Variants in PRKAR2A observed in about 807,000 individuals in gnomAD.
The protein encoded by PRKAR2A is protein kinase cAMP-dependent type II regulatory subunit alpha.
In PRKAR2A, 29 loss-of-function variants were observed where a neutral mutation model predicts 51.9. The ratio of observed to expected loss-of-function variants is 0.56; its 90% CI spans 0.42 to 0.76. The LOEUF (loss-of-function observed/expected upper bound fraction) is 0.76. Among genes scored for constraint, PRKAR2A ranks in the 30% least tolerant of loss-of-function variants. The pLI is 0.00. For missense variants in PRKAR2A, 445 were observed against 512.1 expected, an observed-to-expected ratio of 0.87 and a Z score of 1.26; for synonymous variants, 178 against 186.2, an observed-to-expected ratio of 0.96 and a Z score of 0.36.
chr3:48,829,039 T>A (rs1281512325), intron 1 of PRKAR2A, among the ~76,000 whole-genome samples: 1 of 151,730 alleles, frequency 6.6e-6, no homozygotes, highest in South Asian at 2.1e-4. Flanking sequence ...TTTCACCATG[T>A]TGGCCAAGCT....
At chr3:48,801,984 A>G (rs910216260) in intron 2 of PRKAR2A, among the ~76,000 whole-genome samples, 12 of 152,088 alleles carry the variant, frequency 7.9e-5, no homozygotes, top group Non-Finnish European at 1.5e-4. Context: ...ATCTCGGTTC[A>G]CTGCAAACTC....
At chr3:48,834,475 C>T (rs1368855370) in intron 1 of PRKAR2A, among the ~76,000 whole-genome samples, 1 of 152,172 alleles carries the variant, frequency 6.6e-6, no homozygotes, top group Non-Finnish European at 1.5e-5. Context: ...TGGTTCATGA[C>T]TGTAATCCCA....
At chr3:48,753,900 C>CTTTT (rs11389036) in intron 9 of PRKAR2A, among the ~76,000 whole-genome samples, 4 of 136,774 alleles carry the variant, frequency 2.9e-5, no homozygotes, top group Admixed American at 7.6e-5. Context: ...CTATTGTTTT[C>CTTTT]TTTTTTTTTT....
chr3:48,841,531 A>G (rs569033483), intron 1 of PRKAR2A, among the ~76,000 whole-genome samples: 27 of 139,174 alleles, frequency 1.9e-4, no homozygotes, highest in African/African-American at 7.3e-4. Context: ...GTGACAGAAC[A>G]AGACTCTGTC....
intron 1 of PRKAR2A, among the ~76,000 whole-genome samples, chr3:48,810,620 T>A (rs1400316135): frequency 6.6e-6 from 1 of 152,040 alleles, no homozygotes; most frequent in Non-Finnish European, 1.5e-5. Flanking sequence ...TAAAAAAATG[T>A]TTTTTTAATT....
intron 2 of PRKAR2A, among the ~76,000 whole-genome samples, chr3:48,801,053 C>T (rs1309404794): frequency 6.6e-6 from 1 of 152,190 alleles, no homozygotes; most frequent in Admixed American, 6.6e-5. Flanking sequence ...GCAATCTTGG[C>T]TTACTGCAAA....
chr3:48,805,192 T>C (rs2082653742), intron 2 of PRKAR2A, among the ~76,000 whole-genome samples: 1 of 152,068 alleles, frequency 6.6e-6, no homozygotes, highest in African/African-American at 2.4e-5. Context: ...GGATTACAGG[T>C]GTGAGCCACG....
chr3:48,755,770 C>T (rs1278562299), intron 9 of PRKAR2A, among the ~76,000 whole-genome samples: 4 of 150,024 alleles, frequency 2.7e-5, no homozygotes, highest in African/African-American at 9.8e-5. Context: ...TTGCGCCCAG[C>T]CCCCATTTCC....
chr3:48,748,522 A>G lies in PRKAR2A; in HGVS notation c.*3063T>C, dbSNP rs2081596680. 6.6e-6 allele frequency: 1 copy of G among 152,254 alleles called. No individual in the cohort carries two copies. Among genetic ancestry groups the G allele is most frequent in the South Asian group, 2.1e-4 (1 of 4,830 alleles). The allele number at this position is 152,254 out of a possible 1,614,324, so 9.4% of individuals were successfully genotyped here. On this transcript the variant is annotated 3_prime_UTR_variant, in exon 11 of 11. Transcript: ENST00000265563. ...GTGTCAAGGAGGACTCTGTGAAGGC[A>G]AAGACTAGACTGGGATGTGTGCGAG...
chr3:48,771,908 G>A (rs1478531558), intron 6 of PRKAR2A, among the ~76,000 whole-genome samples: 2 of 152,066 alleles, frequency 1.3e-5, no homozygotes, highest in Non-Finnish European at 2.9e-5. Context: ...GACACTAGCT[G>A]ATTTTCTGTT....
intron 1 of PRKAR2A, among the ~76,000 whole-genome samples, chr3:48,841,591 G>A (rs2083383249): frequency 6.7e-6 from 1 of 148,942 alleles, no homozygotes. Flanking sequence ...ATATACCTAG[G>A]AGTGAAATTG....
At chr3:48,825,633 TTC>T (rs1347421318) in intron 1 of PRKAR2A, among the ~76,000 whole-genome samples, 1 of 151,852 alleles carries the variant, frequency 6.6e-6, no homozygotes. Context: ...AAGAGAGAAA[TTC>T]TGTCTCAAAA....
intron 2 of PRKAR2A, among the ~76,000 whole-genome samples, chr3:48,801,081 G>A (rs564392113): frequency 5.9e-5 from 9 of 152,186 alleles, no homozygotes; most frequent in Non-Finnish European, 1.0e-4. Context: ...CTGGGTTCAA[G>A]TGATTCTCAT....
chr3:48,748,908 A>G lies in PRKAR2A; in HGVS notation c.*2677T>C, dbSNP rs1381861704. ...TGGAAAGCTGCAATGTAGGCTACAGAGGGCAGTCTGAAAAGAGTCCTTCTG... is the reference window on the plus strand; with the variant it reads ...TGGAAAGCTGCAATGTAGGCTACAGGGGGCAGTCTGAAAAGAGTCCTTCTG... On this transcript the variant is annotated 3_prime_UTR_variant, in exon 11 of 11. Coordinates refer to ENST00000265563, the MANE Select transcript of PRKAR2A (RefSeq NM_004157.4). 6.6e-6 allele frequency: 1 copy of G among 152,232 alleles called. No individual in the cohort carries two copies. The highest frequency in any genetic ancestry group is 1.5e-5 in the Non-Finnish European group (1 of 68,048). The allele number at this position is 152,232 out of a possible 1,614,324, so 9.4% of individuals were successfully genotyped here. A position where few individuals can be genotyped will look rare whatever the true frequency, so the allele number is the denominator to read the frequency against.
At chr3:48,802,079 T>C (rs906168915) in intron 2 of PRKAR2A, among the ~76,000 whole-genome samples, 1 of 152,128 alleles carries the variant, frequency 6.6e-6, no homozygotes, top group African/African-American at 2.4e-5. Context: ...CCATCTATTT[T>C]TGTATTTTTA....
intron 1 of PRKAR2A, among the ~76,000 whole-genome samples, chr3:48,833,126 C>T (rs1177462670): frequency 6.6e-6 from 1 of 152,172 alleles, no homozygotes; most frequent in Non-Finnish European, 1.5e-5. Flanking sequence ...GCCTCAAACT[C>T]CTGGGCTCAA....
intron 1 of PRKAR2A, among the ~76,000 whole-genome samples, chr3:48,829,863 ATATATATATTTTTTTT>A (rs2083154962): frequency 4.9e-5 from 4 of 82,468 alleles, no homozygotes; most frequent in East Asian, 5.3e-4. Flanking sequence ...ATATATATAT[ATATATATATTTTTTTT>A]TTTTTTTTAA....
At chr3:48,804,798 C>T (rs1415330834) in intron 2 of PRKAR2A, among the ~76,000 whole-genome samples, 1 of 151,906 alleles carries the variant, frequency 6.6e-6, no homozygotes, top group African/African-American at 2.4e-5. Flanking sequence ...GAATGGAAGG[C>T]CAGACATTGG....
chr3:48,775,936 C>T (rs903369777), intron 5 of PRKAR2A, among the ~76,000 whole-genome samples: 1 of 151,780 alleles, frequency 6.6e-6, no homozygotes, highest in Non-Finnish European at 1.5e-5. Context: ...GGTGAAACCC[C>T]GTCTCTCCTA....
Sources: allele counts gnomAD v4.1 joint callset (sites outside exome capture counted in the v4.1 genomes callset), GRCh38; gene constraint gnomAD v4.1.1; transcripts MANE v1.5; gene names NCBI Gene and HGNC (gene_info 2026-07-23, HGNC 2026-07-21).